YARS1: variants seen among roughly 807,000 people sequenced by gnomAD.
YARS1 encodes tyrosyl-tRNA synthetase 1.
In YARS1, 36 loss-of-function variants were observed where a neutral mutation model predicts 62.2. The ratio of observed to expected loss-of-function variants is 0.58; its 90% CI spans 0.44 to 0.76. The LOEUF (loss-of-function observed/expected upper bound fraction) is 0.76. YARS1 is among the 30% of genes least tolerant of loss of function. The pLI is 0.00. For missense variants in YARS1, 524 were observed against 639.8 expected, an observed-to-expected ratio of 0.82 and a Z score of 1.95; for synonymous variants, 234 against 244.9, an observed-to-expected ratio of 0.96 and a Z score of 0.42.
chr1:32,785,672 T>A (rs1156558753), intron 8 of YARS1, among the ~76,000 whole-genome samples: 1 of 151,624 alleles, frequency 6.6e-6, no homozygotes, highest in African/African-American at 2.4e-5. Context: ...AACCTCCGAC[T>A]CCCAGGTTCA....
At chr1:32,779,555 G>C in intron 11 of YARS1, 32 bp from the exon 12 acceptor site, 1 of 1,614,098 alleles carries the variant, frequency 6.2e-7, no homozygotes, top group Non-Finnish European at 8.5e-7. Flanking sequence ...GAAGAGTGAG[G>C]CTATGGATGG....
At chr1:32,787,658 T>C (rs1219692857) in intron 6 of YARS1, among the ~76,000 whole-genome samples, 2 of 151,976 alleles carry the variant, frequency 1.3e-5, no homozygotes, top group South Asian at 4.1e-4. Context: ...TACAGGTGCC[T>C]GTCACCACGC....
intron 5 of YARS1, 62 bp downstream of exon 5, chr1:32,797,701 A>G: frequency 1.4e-6 from 2 of 1,416,318 alleles, no homozygotes; most frequent in African/African-American, 1.4e-5. Flanking sequence ...ATCATAGTTC[A>G]ATAAACACAG....
intron 8 of YARS1, chr1:32,783,824 T>C (rs11581652): frequency 2.0e-5 from 3 of 152,206 alleles, no homozygotes; most frequent in Non-Finnish European, 4.4e-5. Flanking sequence ...GGTATTTAAA[T>C]GTAAACTGAA....
At chr1:32,797,567 T>C in intron 5 of YARS1, 196 bp downstream of exon 5, 1 of 608,806 alleles carries the variant, frequency 1.6e-6, no homozygotes, top group Non-Finnish European at 2.9e-6. Flanking sequence ...ATCTGGGTAC[T>C]AATAATTCCT....
chr1:32,775,800 A>G lies in YARS1; in HGVS notation c.*181T>C. 1 of 637,572 alleles carries G rather than the reference A, an allele frequency of 1.6e-6. No homozygotes were observed. Among genetic ancestry groups the G allele is most frequent in the South Asian group, 1.8e-5 (1 of 54,600 alleles). The allele number at this position is 637,572 out of a possible 1,614,324, so 39.5% of individuals were successfully genotyped here. On this transcript the variant is annotated 3_prime_UTR_variant, in exon 13 of 13. Transcript: ENST00000373477. ...GGGGTTGGTCTCTCACTGCAGCCAG[A>G]CAGGATGATCCTGGGTTCTGGGGAG...
At chr1:32,809,551 A>T (rs2148616097) in intron 3 of YARS1, among the ~76,000 whole-genome samples, 1 of 152,244 alleles carries the variant, frequency 6.6e-6, no homozygotes, top group Middle Eastern at 3.4e-3. Context: ...GCTTTATTTA[A>T]AGCCCTAATT....
At chr1:32,795,603 A>G (rs1422760621) in intron 5 of YARS1, among the ~76,000 whole-genome samples, 2 of 151,690 alleles carry the variant, frequency 1.3e-5, no homozygotes, top group South Asian at 2.1e-4. Context: ...TCAAGAGATC[A>G]AGACCATTCC....
Position 32,810,619 on chromosome 1 carries a change from T to G in YARS1, c.352A>C (p.Ile118Leu). Residue 118 changes from isoleucine (I) to leucine (L), a missense_variant, in exon 3 of 13, where the codon ATC (isoleucine) becomes CTC (leucine). Coordinates refer to ENST00000373477, the MANE Select transcript of YARS1 (RefSeq NM_003680.4). Reference sequence around the variant, plus strand: ...CTGAGCTGGTAATCAGTGCCTTTGATGAACTTGAGCTTCTCCAAGGGCACA... The same window carrying G: ...CTGAGCTGGTAATCAGTGCCTTTGAGGAACTTGAGCTTCTCCAAGGGCACA... ...IGVPLEKLKF[I>L]KGTDYQLSKE... is the part of the protein sequence containing the mutation. 6.2e-7 allele frequency: 1 copy of G among 1,613,422 alleles called. No homozygotes were observed. The highest frequency in any genetic ancestry group is 8.5e-7 in the Non-Finnish European group (1 of 1,180,034).
At position 32,776,700 on chromosome 1, in the gene YARS1, C is replaced by T. The variant is rs908013617; in HGVS notation, c.1477-609G>A. Among the ~76,000 whole-genome samples, 1 of 152,118 alleles carries T rather than the reference C, an allele frequency of 6.6e-6. No individual in the cohort carries two copies. The highest frequency in any genetic ancestry group is 2.1e-4 in the South Asian group (1 of 4,820). ...TTAGTTAGATTGCCGGGCGTGGTGG[C>T]TCACACCTATAATCCCAGCATTTCG... On this transcript the variant is annotated intron_variant, in intron 12 of 12. Transcript: ENST00000373477. The surrounding 1 kb of genome is among the most constrained non-coding windows in gnomAD (Gnocchi z 4.0).
chr1:32,815,925 C>T (rs1355099943), intron 1 of YARS1, among the ~76,000 whole-genome samples: 1 of 151,876 alleles, frequency 6.6e-6, no homozygotes, highest in African/African-American at 2.4e-5. Context: ...CTGGCTAACA[C>T]GGTGAAACCC....
At chr1:32,783,728 A>C (rs1249327337) in intron 8 of YARS1, 1 of 152,146 alleles carries the variant, frequency 6.6e-6, no homozygotes, top group East Asian at 1.9e-4. Flanking sequence ...TTCTGATACT[A>C]CTTCTTCATT....
At chr1:32,804,458 C>T (rs1283862722) in intron 4 of YARS1, among the ~76,000 whole-genome samples, 2 of 150,818 alleles carry the variant, frequency 1.3e-5, no homozygotes, top group Non-Finnish European at 3.0e-5. Context: ...CGGGCGGAGA[C>T]GCTCCTCACT....
intron 10 of YARS1, chr1:32,780,624 A>G (rs1208389409): frequency 2.4e-6 from 1 of 419,426 alleles, no homozygotes; most frequent in Non-Finnish European, 4.4e-6. Flanking sequence ...CGAAGGGAAA[A>G]AAAGCCCAGA....
At chr1:32,812,600 C>A (rs1638610420) in intron 1 of YARS1, among the ~76,000 whole-genome samples, 1 of 152,152 alleles carries the variant, frequency 6.6e-6, no homozygotes, top group South Asian at 2.1e-4. Context: ...AGTCTGACAC[C>A]TTTTAAGGTC....
rs1423244532 is a variant in YARS1 at position 32,782,468 on chromosome 1, T to C, written c.978A>G (p.Glu326=). The C allele has an allele frequency of 1.2e-6, 2 of 1,614,072 alleles. No individual in the cohort carries two copies. Among genetic ancestry groups the C allele is most frequent in the Admixed American group, 1.7e-5 (1 of 59,992 alleles). Residue 326 remains glutamate, a synonymous_variant, in exon 9 of 13, where the codon GAA becomes GAG. Coordinates refer to ENST00000373477, the MANE Select transcript of YARS1 (RefSeq NM_003680.4). The part of the protein sequence containing the change: ...ALNKLLDPIR[E]KFNTPALKKL... ...TTTTCAGGGCAGGGGTATTAAACTT[T>C]TCCCGGATTGGATCCAGCAACTTGT...
intron 4 of YARS1, among the ~76,000 whole-genome samples, chr1:32,803,819 T>C (rs2148613268): frequency 6.6e-6 from 1 of 152,006 alleles, no homozygotes; most frequent in South Asian, 2.1e-4. Context: ...AGGACAATAG[T>C]GGAGGGAAGG....
In YARS1 at chr1:32,782,559, C is replaced by A. The variant is rs1653095427; in HGVS notation, c.907-20G>T. The A allele has an allele frequency of 2.5e-6, 4 of 1,614,070 alleles. No homozygotes were observed. In the East Asian group the frequency reaches 8.9e-5, roughly 36 times the overall value. On this transcript the variant is annotated intron_variant, in intron 8 of 12. Coordinates refer to ENST00000373477, the MANE Select transcript of YARS1 (RefSeq NM_003680.4). ...TACAACCTGCAGAATCGAACAAGACCTAGTGAGATAAAGTCTAGAACAGGG... is the reference window on the plus strand; with the variant it reads ...TACAACCTGCAGAATCGAACAAGACATAGTGAGATAAAGTCTAGAACAGGG...
intron 5 of YARS1, among the ~76,000 whole-genome samples, chr1:32,796,282 T>TTTA (rs1202178984): frequency 1.1e-4 from 17 of 152,134 alleles, no homozygotes; most frequent in African/African-American, 3.9e-4. Context: ...GGCAACAGTG[T>TTTA]GAGACTCTGT....
Sources: gnomAD v4.1 joint callset for allele counts (sites outside exome capture counted in the v4.1 genomes callset) on GRCh38, gnomAD v4.1.1 for gene constraint, Gnocchi (gnomAD v3.1) non-coding constraint, MANE v1.5 for transcripts, NCBI Gene and HGNC (gene_info 2026-07-23, HGNC 2026-07-21) for gene names.